The following SLC24A2 variants were observed in gnomAD, a reference collection of about 807,000 sequenced individuals.
SLC24A2 encodes the protein sodium/potassium/calcium exchanger 2.
In SLC24A2, 36 loss-of-function variants were observed where a neutral mutation model predicts 62.0. The ratio of observed to expected loss-of-function variants is 0.58; its 90% confidence interval spans 0.44 to 0.77. The LOEUF (loss-of-function observed/expected upper bound fraction) is 0.77, where lower values mean the gene tolerates loss of function less well. SLC24A2 is among the 30% of genes least tolerant of loss of function. The pLI, the probability that SLC24A2 is intolerant of heterozygous loss-of-function variation, is 0.00. For synonymous variants in SLC24A2, 358 were observed against 294.0 expected, an observed-to-expected ratio of 1.22 and a Z score of -2.23; for missense variants, 846 against 817.9, an observed-to-expected ratio of 1.03 and a Z score of -0.42.
At chr9:19,547,550 C>G (rs550470516) in intron 8 of SLC24A2, among the ~76,000 whole-genome samples, 1 of 147,642 alleles carries the variant, frequency 6.8e-6, no homozygotes, top group African/African-American at 2.7e-5. Context: ...CTAGGATTAC[C>G]AAGAGGATAA....
chr9:19,530,401 G>T (rs1202898292), intron 8 of SLC24A2, among the ~76,000 whole-genome samples: 1 of 152,142 alleles, frequency 6.6e-6, no homozygotes, highest in Non-Finnish European at 1.5e-5. Context: ...TGTGGCATAA[G>T]TACTAGATGT....
At chr9:19,650,082 G>A (rs1165059691) in intron 2 of SLC24A2, among the ~76,000 whole-genome samples, 1 of 152,142 alleles carries the variant, frequency 6.6e-6, no homozygotes, top group Non-Finnish European at 1.5e-5. Context: ...AAGGAATATG[G>A]GGTTTTACCT....
chr9:19,543,564 C>T (rs199799604), intron 8 of SLC24A2, among the ~76,000 whole-genome samples: 1 of 152,076 alleles, frequency 6.6e-6, no homozygotes, highest in Admixed American at 6.5e-5. Context: ...CTCTTGTGGG[C>T]ATTTAGTGCT....
the SLC24A2 span, chr9:19,927,659 A>T: frequency 6.6e-6 from 1 of 152,140 alleles, no homozygotes; most frequent in Non-Finnish European, 1.5e-5. Context: ...ATAAATTAGA[A>T]CCAGGATGGG....
intron 2 of SLC24A2, among the ~76,000 whole-genome samples, chr9:19,657,944 G>A (rs1818988395): frequency 6.6e-6 from 1 of 152,142 alleles, no homozygotes; most frequent in Non-Finnish European, 1.5e-5. Context: ...TGCCCAGGCT[G>A]GAGAACTTCT....
At chr9:20,068,315 G>T in the SLC24A2 span, among the ~76,000 whole-genome samples, 1 of 151,948 alleles carries the variant, frequency 6.6e-6, no homozygotes, top group Middle Eastern at 3.2e-3. Context: ...ACCTGCCTTG[G>T]CCTCCCAAAG....
At chr9:19,618,081 C>G (rs1175306553) in intron 4 of SLC24A2, among the ~76,000 whole-genome samples, 1 of 152,164 alleles carries the variant, frequency 6.6e-6, no homozygotes, top group African/African-American at 2.4e-5. Flanking sequence ...CATAAGTTTA[C>G]AGAGGTGAAA....
the SLC24A2 span, chr9:19,929,512 T>TGGTA: frequency 6.6e-6 from 1 of 152,192 alleles, no homozygotes; most frequent in Admixed American, 6.6e-5. Context: ...CATCAGCATG[T>TGGTA]GGTAGAGCAA....
intron 5 of SLC24A2, among the ~76,000 whole-genome samples, chr9:19,578,877 C>G (rs1278546203): frequency 6.6e-6 from 1 of 152,154 alleles, no homozygotes; most frequent in Admixed American, 6.5e-5. Flanking sequence ...GGTCTCTTTG[C>G]CACAACAAAG....
intron 1 of SLC24A2, 191 bp downstream of exon 1, chr9:19,788,694 G>A: frequency 2.0e-6 from 2 of 985,270 alleles, no homozygotes; most frequent in Non-Finnish European, 2.4e-6. Flanking sequence ...GGGTAGGAGA[G>A]GCGGGGGCTC....
chr9:20,259,536 G>A, the SLC24A2 span, among the ~76,000 whole-genome samples: 9 of 152,180 alleles, frequency 5.9e-5, no homozygotes, highest in South Asian at 2.1e-4. Flanking sequence ...AAAACCCCTT[G>A]GAAGCTCCTC....
the SLC24A2 span, among the ~76,000 whole-genome samples, chr9:19,968,459 ATTG>A: frequency 6.6e-6 from 1 of 152,346 alleles, no homozygotes; most frequent in East Asian, 1.9e-4. Flanking sequence ...AGATGAGGAA[ATTG>A]GAATTTGGAG....
chr9:20,256,139 C>T, the SLC24A2 span, among the ~76,000 whole-genome samples: 3 of 152,206 alleles, frequency 2.0e-5, no homozygotes, highest in Non-Finnish European at 4.4e-5. Flanking sequence ...GCCCTCATGG[C>T]CTGATCATCT....
At chr9:20,182,074 T>G in the SLC24A2 span, among the ~76,000 whole-genome samples, 1 of 152,116 alleles carries the variant, frequency 6.6e-6, no homozygotes, top group South Asian at 2.1e-4. Context: ...AAAACCACAA[T>G]GAGATACTAT....
At chr9:20,018,471 TC>T in the SLC24A2 span, among the ~76,000 whole-genome samples, 1 of 152,296 alleles carries the variant, frequency 6.6e-6, no homozygotes, top group South Asian at 2.1e-4. Context: ...AGGTGATCTT[TC>T]TCCACCTCCC....
the SLC24A2 span, among the ~76,000 whole-genome samples, chr9:19,952,238 A>T: frequency 4.6e-5 from 7 of 152,086 alleles, no homozygotes; most frequent in Admixed American, 4.6e-4. Flanking sequence ...TTCTCTTCAT[A>T]CATAAATATG....
chr9:20,009,696 A>G, the SLC24A2 span, among the ~76,000 whole-genome samples: 2 of 152,222 alleles, frequency 1.3e-5, no homozygotes, highest in African/African-American at 4.8e-5. Flanking sequence ...AGGTAACCCA[A>G]CTAAGCCCTG....
chr9:19,602,463 A>T (rs2132913800), intron 4 of SLC24A2, among the ~76,000 whole-genome samples: 1 of 152,352 alleles, frequency 6.6e-6, no homozygotes, highest in South Asian at 2.1e-4. Flanking sequence ...ATGTCATGCC[A>T]AAGGAAGTCT....
the SLC24A2 span, among the ~76,000 whole-genome samples, chr9:20,075,991 C>T: frequency 4.6e-5 from 7 of 152,116 alleles, no homozygotes; most frequent in Non-Finnish European, 7.4e-5. Flanking sequence ...CTTATAATAG[C>T]TAATACAATG....
Sources: allele counts gnomAD v4.1 joint callset (sites outside exome capture counted in the v4.1 genomes callset), GRCh38; gene constraint gnomAD v4.1.1; transcripts MANE v1.5; gene names NCBI Gene and HGNC (gene_info 2026-07-23, HGNC 2026-07-21).